The following TRAPPC9 variants were observed in gnomAD, a reference collection of about 807,000 sequenced individuals.
TRAPPC9 encodes IKK2 binding protein.
A neutral mutation model predicts 124.0 loss-of-function variants in TRAPPC9; 83 were observed. That is an observed-to-expected ratio of 0.67 (90% confidence interval 0.56 to 0.80). TRAPPC9 has a LOEUF of 0.80. Ranked by LOEUF, TRAPPC9 falls within the 30% of genes least tolerant of loss-of-function variation. The pLI is 0.00. For missense variants in TRAPPC9, 1,302 were observed against 1,508.3 expected (o/e 0.86, Z 2.27); for synonymous variants, 638 against 617.5 (o/e 1.03, Z -0.49).
At chr8:139,874,976 T>C (rs753674355) in intron 21 of TRAPPC9, among the ~76,000 whole-genome samples, 2 of 152,144 alleles carry the variant, frequency 1.3e-5, no homozygotes, top group Non-Finnish European at 2.9e-5. Context: ...CACTGGGGCA[T>C]TGGGAGGAAC....
intron 7 of TRAPPC9, among the ~76,000 whole-genome samples, chr8:140,372,725 T>C (rs1161692528): frequency 6.6e-6 from 1 of 152,196 alleles, no homozygotes; most frequent in Non-Finnish European, 1.5e-5. Flanking sequence ...TGTTGCACCA[T>C]GTGAGAACAC....
At chr8:139,988,182 G>A (rs1190305763) in intron 19 of TRAPPC9, among the ~76,000 whole-genome samples, 3 of 147,784 alleles carry the variant, frequency 2.0e-5, no homozygotes, top group East Asian at 2.0e-4. Flanking sequence ...GATCGATCTC[G>A]GCTCACTGCA....
intron 11 of TRAPPC9, among the ~76,000 whole-genome samples, chr8:140,298,366 G>C (rs891457805): frequency 2.6e-5 from 4 of 152,156 alleles, no homozygotes; most frequent in Non-Finnish European, 4.4e-5. Flanking sequence ...TCAAGACAAT[G>C]TGCTGGCTGG....
chr8:140,457,997 C>T (rs1363028454), upstream of TRAPPC9, among the ~76,000 whole-genome samples: 1 of 54,552 alleles, frequency 1.8e-5, no homozygotes, highest in East Asian at 4.9e-4. Context: ...GAAGCGGGGA[C>T]GGGGAGGGAG....
At chr8:140,069,830 G>C (rs1843059433) in intron 17 of TRAPPC9, among the ~76,000 whole-genome samples, 1 of 152,210 alleles carries the variant, frequency 6.6e-6, no homozygotes, top group Admixed American at 6.5e-5. Context: ...CAGTGCTGTA[G>C]CCCTTGGTCC....
At chr8:140,160,611 C>G (rs1204608296) in intron 17 of TRAPPC9, among the ~76,000 whole-genome samples, 2 of 134,224 alleles carry the variant, frequency 1.5e-5, no homozygotes, top group African/African-American at 5.8e-5. Flanking sequence ...GACATGGACA[C>G]AGGAAGGGGA....
chr8:140,122,071 C>T (rs2060999912), intron 17 of TRAPPC9, among the ~76,000 whole-genome samples: 1 of 151,980 alleles, frequency 6.6e-6, no homozygotes, highest in East Asian at 1.9e-4. Context: ...CTCCCTCTCT[C>T]CCTCCTACAC....
At chr8:140,350,081 G>T (rs941967471) in intron 9 of TRAPPC9, among the ~76,000 whole-genome samples, 3 of 152,208 alleles carry the variant, frequency 2.0e-5, no homozygotes, top group African/African-American at 7.2e-5. Flanking sequence ...CACCTTTTGA[G>T]GGAACAGTGG....
Position 139,857,561 on chromosome 8 carries a change from G to A in TRAPPC9, c.3055+28318C>T, listed in dbSNP as rs543418760. Among the ~76,000 whole-genome samples, 46 of 152,334 alleles carry A rather than the reference G, an allele frequency of 3.0e-4. No homozygotes were observed. The South Asian group carries it at 8.7e-3, about 29-fold the overall frequency. On this transcript the variant is annotated intron_variant, in intron 21 of 22. Transcript: ENST00000438773. Reference sequence around the variant, plus strand: ...TTCACTCTCACGGCTGCCACTGGCCGAGGAAGGCATGGTGGCCACAGAGCA... The same window carrying A: ...TTCACTCTCACGGCTGCCACTGGCCAAGGAAGGCATGGTGGCCACAGAGCA...
chr8:140,323,957 C>A (rs1205588736), intron 9 of TRAPPC9, among the ~76,000 whole-genome samples: 1 of 152,030 alleles, frequency 6.6e-6, no homozygotes, highest in African/African-American at 2.4e-5. Context: ...TAAATCAGTT[C>A]TTTAGTGGTA....
At position 140,033,664 on chromosome 8, in the gene TRAPPC9, T is replaced by TGTTTTTTTTTTTTG. The variant is rs61417850; in HGVS notation, c.2557-9586_2557-9585insCAAAAAAAAAAAAC. On this transcript the variant is annotated intron_variant, in intron 17 of 22. Coordinates refer to ENST00000438773, the MANE Select transcript of TRAPPC9 (RefSeq NM_001160372.4). ...TGCAACTCTTCATAATGTGGTTTTT[T>TGTTTTTTTTTTTTG]TTTTTTTTTTTTTTTTTTTTTTTTT... Among the ~76,000 whole-genome samples, 30 of 76,250 alleles carry TGTTTTTTTTTTTTG rather than the reference T, an allele frequency of 3.9e-4. 4 individuals are homozygous for TGTTTTTTTTTTTTG. Among genetic ancestry groups the TGTTTTTTTTTTTTG allele is most frequent in the South Asian group, 7.4e-4 (2 of 2,720 alleles). 50.0% of individuals were successfully genotyped at this position (76,250 alleles called of 152,430 possible).
chr8:140,435,436 G>A (rs2070781071), intron 3 of TRAPPC9, among the ~76,000 whole-genome samples, 196 bp from the exon 4 acceptor site: 1 of 152,060 alleles, frequency 6.6e-6, no homozygotes, highest in African/African-American at 2.4e-5. Context: ...TTTGCAAATG[G>A]GAACTTGCCA....
intron 17 of TRAPPC9, among the ~76,000 whole-genome samples, chr8:140,148,623 T>C (rs2061495940): frequency 1.3e-5 from 2 of 152,206 alleles, no homozygotes; most frequent in Admixed American, 1.3e-4. Flanking sequence ...GAAAGCTTCA[T>C]GTCCCCACTC....
At chr8:140,281,263 G>A (rs537506656) in intron 14 of TRAPPC9, among the ~76,000 whole-genome samples, 3 of 152,292 alleles carry the variant, frequency 2.0e-5, no homozygotes, top group Admixed American at 6.5e-5. Context: ...GGCCTCGCAC[G>A]AGGCGTCCAG....
intron 17 of TRAPPC9, among the ~76,000 whole-genome samples, chr8:140,200,189 T>C (rs1284535387): frequency 2.0e-5 from 3 of 152,216 alleles, no homozygotes; most frequent in South Asian, 4.1e-4. Flanking sequence ...GTTACACTCA[T>C]GTTTAACCAG....
At chr8:139,942,342 G>A (rs900042725) in intron 19 of TRAPPC9, among the ~76,000 whole-genome samples, 4 of 151,804 alleles carry the variant, frequency 2.6e-5, no homozygotes, top group Admixed American at 2.0e-4. Context: ...CCCAACAAGT[G>A]TTCTTATTTG....
chr8:139,869,626 G>A (rs919482961), intron 21 of TRAPPC9, among the ~76,000 whole-genome samples: 1 of 152,074 alleles, frequency 6.6e-6, no homozygotes, highest in South Asian at 2.1e-4. Context: ...TTAAAACAAG[G>A]AACATAACTT....
chr8:139,731,897 C>T (rs2129933486), intron 22 of TRAPPC9, 82 bp downstream of exon 22: 2 of 1,345,634 alleles, frequency 1.5e-6, no homozygotes, highest in Non-Finnish European at 2.1e-6. Flanking sequence ...ATATGCTGAC[C>T]CCAAAGCCCA....
At chr8:139,749,755 C>A (rs1265367082) in intron 21 of TRAPPC9, among the ~76,000 whole-genome samples, 1 of 152,228 alleles carries the variant, frequency 6.6e-6, no homozygotes, top group Non-Finnish European at 1.5e-5. Context: ...TCTGCTTGAA[C>A]CGCCAGAGCC....
Sources: gnomAD v4.1 joint callset for allele counts (sites outside exome capture counted in the v4.1 genomes callset) on GRCh38, gnomAD v4.1.1 for gene constraint, MANE v1.5 for transcripts, NCBI Gene and HGNC (gene_info 2026-07-23, HGNC 2026-07-21) for gene names.